The following PITPNC1 variants were observed in gnomAD, a reference collection of about 807,000 sequenced individuals.
The protein encoded by PITPNC1 is phosphatidylinositol transfer protein cytoplasmic 1.
Under a neutral mutation model 44.7 loss-of-function variants are expected in PITPNC1, and 18 were observed. That is an observed-to-expected ratio of 0.40 (90% CI 0.28 to 0.60). The LOEUF is 0.60. Among genes scored for constraint, PITPNC1 ranks in the 20% least tolerant of loss-of-function variants. The probability of loss-of-function intolerance (pLI) is 0.39; values close to 1 mark genes in which losing one functional copy is unlikely to be tolerated. For synonymous variants in PITPNC1, 141 were observed against 149.6 expected (o/e 0.94, Z 0.42); for missense variants, 290 against 418.4 (o/e 0.69, Z 2.68).
At chr17:67,517,489 T>C (rs1285617635) in intron 1 of PITPNC1, among the ~76,000 whole-genome samples, 1 of 152,188 alleles carries the variant, frequency 6.6e-6, no homozygotes, top group Non-Finnish European at 1.5e-5. Context: ...TTATTCATAA[T>C]AGCCACAAGG....
chr17:67,663,044 A>G lies in PITPNC1; in HGVS notation c.463-6464A>G, dbSNP rs550309162. ...AATGATTTCTTTTCTTTGGGCATAT[A>G]CCCAATAATGGGGTTGCTGGGTTGA... On this transcript the variant is annotated intron_variant, in intron 6 of 8. Transcript: ENST00000581322. 1.8e-3 allele frequency among the ~76,000 whole-genome samples: 272 copies of G among 152,068 alleles called. 1 individual carries two copies. Among genetic ancestry groups the G allele is most frequent in the Non-Finnish European group, 2.8e-3 (188 of 68,016 alleles).
At chr17:67,559,427 A>G (rs1394362040) in intron 4 of PITPNC1, among the ~76,000 whole-genome samples, 1 of 152,208 alleles carries the variant, frequency 6.6e-6, no homozygotes, top group Non-Finnish European at 1.5e-5. Context: ...ACTTTTATCT[A>G]TGTATCACAA....
intron 5 of PITPNC1, among the ~76,000 whole-genome samples, chr17:67,596,481 TTTG>T (rs149924754): frequency 0.019 from 2,911 of 152,256 alleles, 49 homozygotes; most frequent in Middle Eastern, 0.058. Flanking sequence ...TCCCTATTTC[TTTG>T]TTGTTGTTGT....
intron 1 of PITPNC1, among the ~76,000 whole-genome samples, chr17:67,466,213 G>GT (rs1161840699): frequency 7.4e-6 from 1 of 135,636 alleles, no homozygotes; most frequent in African/African-American, 2.6e-5. Context: ...GGTGGGGGGG[G>GT]GCGCGTCTCA....
At chr17:67,519,016 G>C (rs2040292355) in intron 1 of PITPNC1, among the ~76,000 whole-genome samples, 1 of 152,110 alleles carries the variant, frequency 6.6e-6, no homozygotes, top group Non-Finnish European at 1.5e-5. Flanking sequence ...ATTGCTGGTA[G>C]GGATGTAAAA....
chr17:67,675,611 C>A, intron 8 of PITPNC1, 69 bp downstream of exon 8: 2 of 1,032,436 alleles, frequency 1.9e-6, no homozygotes, highest in Non-Finnish European at 3.1e-6. Context: ...GTCCATTTGG[C>A]TTCAACTGCT....
chr17:67,605,002 C>T (rs1041349728), intron 5 of PITPNC1, among the ~76,000 whole-genome samples: 8 of 152,180 alleles, frequency 5.3e-5, no homozygotes, highest in Non-Finnish European at 1.2e-4. Flanking sequence ...TCGTTTGAAA[C>T]CGGGAAGCAG....
Position 67,674,435 on chromosome 17 carries a change from C to T in PITPNC1, c.619-1044C>T, listed in dbSNP as rs549412295. 2.0e-5 allele frequency among the ~76,000 whole-genome samples: 3 copies of T among 149,612 alleles called. No individual in the cohort carries two copies. The South Asian group carries it at 6.3e-4, about 31-fold the overall frequency. On this transcript the variant is annotated intron_variant, in intron 7 of 8. Coordinates refer to ENST00000581322, the MANE Select transcript of PITPNC1 (RefSeq NM_012417.4). ...ACAAGAATCGCTTAAACACAAGAGG[C>T]AGAGGTTATAGTGAGTTGAGATTGC...
intron 1 of PITPNC1, among the ~76,000 whole-genome samples, chr17:67,458,300 G>C (rs540234162): frequency 1.3e-5 from 2 of 152,178 alleles, no homozygotes; most frequent in African/African-American, 4.8e-5. Flanking sequence ...TTCATCATCT[G>C]AATCTTGTAT....
intron 1 of PITPNC1, among the ~76,000 whole-genome samples, chr17:67,482,432 A>G (rs895774184): frequency 1.1e-4 from 17 of 152,164 alleles, no homozygotes; most frequent in African/African-American, 4.1e-4. Context: ...CCTCCTTCAC[A>G]ATAAGATCAA....
intron 4 of PITPNC1, among the ~76,000 whole-genome samples, chr17:67,555,854 A>G (rs2040831998): frequency 6.6e-6 from 1 of 152,124 alleles, no homozygotes; most frequent in South Asian, 2.1e-4. Context: ...AAAAATAAAA[A>G]ATTAAAAAAT....
At chr17:67,553,714 A>G in intron 4 of PITPNC1, 97 bp downstream of exon 4, 1 of 488,306 alleles carries the variant, frequency 2.0e-6, no homozygotes, top group Non-Finnish European at 3.7e-6. Flanking sequence ...GTAATAATTA[A>G]AAAGGGGAAT....
chr17:67,583,907 G>T (rs2041273934), intron 5 of PITPNC1, among the ~76,000 whole-genome samples: 1 of 141,222 alleles, frequency 7.1e-6, no homozygotes, highest in African/African-American at 2.6e-5. Flanking sequence ...TTGTGTGTGT[G>T]TGTGTTTGTG....
At chr17:67,519,546 A>G (rs191258810) in intron 1 of PITPNC1, among the ~76,000 whole-genome samples, 1 of 152,260 alleles carries the variant, frequency 6.6e-6, no homozygotes, top group East Asian at 1.9e-4. Flanking sequence ...CCCTGTCTTC[A>G]CTGACGACCT....
At chr17:67,527,130 T>C (rs1226907315) in intron 1 of PITPNC1, among the ~76,000 whole-genome samples, 1 of 152,238 alleles carries the variant, frequency 6.6e-6, no homozygotes, top group East Asian at 1.9e-4. Context: ...AATCAGATTT[T>C]TGTTACTCAT....
intron 2 of PITPNC1, among the ~76,000 whole-genome samples, chr17:67,541,159 G>A (rs2040601243): frequency 6.6e-6 from 1 of 152,162 alleles, no homozygotes; most frequent in African/African-American, 2.4e-5. Flanking sequence ...ATGTTGCAGA[G>A]AGCCAAGACT....
chr17:67,399,205 G>T (rs1329739365), intron 1 of PITPNC1, among the ~76,000 whole-genome samples: 3 of 151,930 alleles, frequency 2.0e-5, no homozygotes, highest in Non-Finnish European at 2.9e-5. Flanking sequence ...AGTAGAGACG[G>T]GGTTTCACTG....
At chr17:67,378,985 G>C (rs891921992) in intron 1 of PITPNC1, 1 of 985,366 alleles carries the variant, frequency 1.0e-6, no homozygotes, top group Non-Finnish European at 1.2e-6. Context: ...GCGCGGCTCT[G>C]CTGTCCTTCT....
At chr17:67,473,611 CT>C (rs2039583025) in intron 1 of PITPNC1, among the ~76,000 whole-genome samples, 1 of 152,002 alleles carries the variant, frequency 6.6e-6, no homozygotes, top group South Asian at 2.1e-4. Flanking sequence ...CCCTGGTGTG[CT>C]TTTTAATATT....
Sources: gnomAD v4.1 joint callset for allele counts (sites outside exome capture counted in the v4.1 genomes callset) on GRCh38, gnomAD v4.1.1 for gene constraint, MANE v1.5 for transcripts, NCBI Gene and HGNC (gene_info 2026-07-23, HGNC 2026-07-21) for gene names.